PTK7: variants seen among roughly 807,000 people sequenced by gnomAD.
The protein encoded by PTK7 is protein tyrosine kinase 7 (inactive).
In PTK7, 39 loss-of-function variants were observed where a neutral mutation model predicts 116.6. The ratio of observed to expected loss-of-function variants is 0.33; its 90% confidence interval spans 0.26 to 0.44. PTK7 has a LOEUF of 0.44. Ranked by LOEUF, PTK7 falls within the 20% of genes least tolerant of loss-of-function variation. The pLI is 1.00. For synonymous variants in PTK7, 546 were observed against 563.6 expected (o/e 0.97, Z 0.44); for missense variants, 1,169 against 1,425.6 (o/e 0.82, Z 2.90).
intron 1 of PTK7, among the ~76,000 whole-genome samples, chr6:43,122,851 C>G (rs1182133901): frequency 6.6e-6 from 1 of 152,142 alleles, no homozygotes; most frequent in East Asian, 1.9e-4. Flanking sequence ...GAGTGGTCTA[C>G]CTGCCTTGGA....
Position 43,160,934 on chromosome 6 carries a change from A to G in PTK7, c.*53A>G. 6.3e-7 allele frequency: 1 copy of G among 1,587,998 alleles called. No individual in the cohort carries two copies. Among genetic ancestry groups the G allele is most frequent in the African/African-American group, 1.3e-5 (1 of 74,596 alleles). On this transcript the variant is annotated 3_prime_UTR_variant, in exon 20 of 20. Coordinates refer to ENST00000230419, the MANE Select transcript of PTK7 (RefSeq NM_002821.5). ...GCAGGGGAGGACATCTCTAGAGGGA[A>G]GCTCACAGCATGATGGGCAAGATCC...
chr6:43,114,026 G>A (rs1249780880), intron 1 of PTK7, among the ~76,000 whole-genome samples: 14 of 151,988 alleles, frequency 9.2e-5, no homozygotes, highest in Admixed American at 9.2e-4. Context: ...TCAGTCTGGA[G>A]TCCCTGCGGC....
intron 1 of PTK7, among the ~76,000 whole-genome samples, chr6:43,120,310 C>T (rs1394241065): frequency 6.6e-6 from 1 of 152,196 alleles, no homozygotes; most frequent in East Asian, 1.9e-4. Flanking sequence ...CAAATGTCTG[C>T]CCTTCCCTCC....
intron 1 of PTK7, among the ~76,000 whole-genome samples, chr6:43,077,468 A>G (rs1766120241): frequency 6.6e-6 from 1 of 152,008 alleles, no homozygotes; most frequent in African/African-American, 2.4e-5. Flanking sequence ...GGCCCTCATC[A>G]CCAGGGCAGA....
At position 43,150,685 on chromosome 6, in the gene PTK7, G is replaced by A. The variant is rs1044429863; in HGVS notation, c.2721+3987G>A. On this transcript the variant is annotated intron_variant, in intron 17 of 19. Transcript: ENST00000230419. ...TGAAGCCTGAAGTGGAGTTGGCTCT[G>A]TTTATGATGGCCACTGAAGCAGCCT... 2.0e-5 allele frequency among the ~76,000 whole-genome samples: 3 copies of A among 148,138 alleles called. No homozygotes were observed. In the South Asian group the frequency reaches 6.6e-4, roughly 33 times the overall value.
chr6:43,102,809 T>A (rs1286861857), intron 1 of PTK7, among the ~76,000 whole-genome samples: 1 of 152,226 alleles, frequency 6.6e-6, no homozygotes, highest in Non-Finnish European at 1.5e-5. Flanking sequence ...CTATTTATTA[T>A]TATTTTAGCT....
chr6:43,117,665 A>G (rs1768639503), intron 1 of PTK7, among the ~76,000 whole-genome samples: 1 of 152,140 alleles, frequency 6.6e-6, no homozygotes, highest in South Asian at 2.1e-4. Flanking sequence ...CGCCAGTCCC[A>G]GTCTGTCCGC....
At chr6:43,142,674 G>A (rs923031576) in intron 13 of PTK7, 12 of 358,222 alleles carry the variant, frequency 3.3e-5, no homozygotes, top group East Asian at 6.8e-5. Context: ...AGGATGATGG[G>A]TCAGGTAAAA....
intron 1 of PTK7, among the ~76,000 whole-genome samples, chr6:43,077,223 C>G (rs1582039245): frequency 6.6e-6 from 1 of 152,216 alleles, no homozygotes; most frequent in Admixed American, 6.5e-5. Context: ...GTGCCAGGGC[C>G]GAATCCGGGG....
At chr6:43,153,618 C>T (rs1771255503) in intron 17 of PTK7, among the ~76,000 whole-genome samples, 2 of 152,124 alleles carry the variant, frequency 1.3e-5, no homozygotes, top group South Asian at 4.1e-4. Context: ...ACTATGTTGC[C>T]CAGGCTGGTC....
chr6:43,146,826 T>C (rs754513622), intron 17 of PTK7, 128 bp downstream of exon 17: 8 of 764,926 alleles, frequency 1.0e-5, no homozygotes, highest in South Asian at 4.7e-5. Context: ...TGTGTTACTG[T>C]AATTATCACG....
chr6:43,128,859 C>G, intron 1 of PTK7, 118 bp from the exon 2 acceptor site: 1 of 1,032,980 alleles, frequency 9.7e-7, no homozygotes, highest in South Asian at 1.8e-5. Flanking sequence ...TTCACACCTG[C>G]ACTTACTGGA....
intron 1 of PTK7, among the ~76,000 whole-genome samples, chr6:43,124,014 T>C (rs771128963): frequency 6.6e-6 from 1 of 152,118 alleles, no homozygotes; most frequent in Non-Finnish European, 1.5e-5. Context: ...AAGCTGCACA[T>C]GGAGCTGGCT....
chr6:43,121,911 A>AGG (rs1768988474), intron 1 of PTK7, among the ~76,000 whole-genome samples: 1 of 152,174 alleles, frequency 6.6e-6, no homozygotes, highest in South Asian at 2.1e-4. Flanking sequence ...AGGCTGAGGC[A>AGG]GGAGGATCAC....
Position 43,143,768 on chromosome 6 carries a change from C to T in PTK7, c.2251+148C>T, listed in dbSNP as rs1341112181. On this transcript the variant is annotated intron_variant, in intron 14 of 19. Coordinates refer to ENST00000230419, the MANE Select transcript of PTK7 (RefSeq NM_002821.5). The surrounding 1 kb of genome is among the most constrained non-coding windows in gnomAD (Gnocchi z 4.2). ...GGACTGCCCCACCCCTAGCGGGAAG[C>T]CTGGAGTTGGATTCCCAGGGCCTCG... is the stretch of plus-strand genomic sequence containing the variant. 1.1e-6 allele frequency: 1 copy of T among 882,254 alleles called. No individual in the cohort carries two copies. Among genetic ancestry groups the T allele is most frequent in the African/African-American group, 1.7e-5 (1 of 58,954 alleles). The allele number at this position is 882,254 out of a possible 1,614,324, so 54.7% of individuals were successfully genotyped here.
chr6:43,121,194 A>G (rs889302836), intron 1 of PTK7, among the ~76,000 whole-genome samples: 7 of 150,848 alleles, frequency 4.6e-5, no homozygotes, highest in Non-Finnish European at 1.0e-4. Flanking sequence ...TTGTCTCTCC[A>G]TGCTTGGATA....
chr6:43,146,734 G>T lies in PTK7; in HGVS notation c.2721+36G>T, dbSNP rs746358779. On this transcript the variant is annotated intron_variant, in intron 17 of 19. Coordinates refer to ENST00000230419, the MANE Select transcript of PTK7 (RefSeq NM_002821.5). Reference sequence around the variant, plus strand: ...GGAGTGAAGGAGGGAGGGAGAGGGTGCCCAGGGGTGGGCCAGGAGCAACAG... The same window carrying T: ...GGAGTGAAGGAGGGAGGGAGAGGGTTCCCAGGGGTGGGCCAGGAGCAACAG... The T allele has an allele frequency of 1.9e-6, 3 of 1,590,890 alleles. No homozygotes were observed. The East Asian group carries it at 6.7e-5, about 36-fold the overall frequency.
intron 1 of PTK7, among the ~76,000 whole-genome samples, chr6:43,096,525 T>G (rs934178586): frequency 6.6e-6 from 1 of 152,178 alleles, no homozygotes; most frequent in Non-Finnish European, 1.5e-5. Context: ...TTAGATCAAA[T>G]AAATACCTTT....
At chr6:43,080,209 A>G (rs4714663) in intron 1 of PTK7, among the ~76,000 whole-genome samples, 40,200 of 151,764 alleles carry the variant, frequency 0.26, 8,072 homozygotes, top group African/African-American at 0.56. Flanking sequence ...AAAATTAGCC[A>G]GGCGTGGTGG....
Sources: allele counts gnomAD v4.1 joint callset (sites outside exome capture counted in the v4.1 genomes callset), GRCh38; gene constraint gnomAD v4.1.1; non-coding constraint Gnocchi (gnomAD v3.1); transcripts MANE v1.5; gene names NCBI Gene and HGNC (gene_info 2026-07-23, HGNC 2026-07-21).